HS6ST3: variants seen among roughly 807,000 people sequenced by gnomAD.
HS6ST3 encodes heparan sulfate 6-O-sulfotransferase 3, also known as heparan-sulfate 6-O-sulfotransferase 3.
In HS6ST3, 12 loss-of-function variants were observed where a neutral mutation model predicts 36.7. The ratio of observed to expected loss-of-function variants is 0.33; its 90% CI spans 0.21 to 0.53. The LOEUF is 0.53. Among genes scored for constraint, HS6ST3 ranks in the 20% least tolerant of loss-of-function variants. HS6ST3 has a pLI of 0.95. For missense variants in HS6ST3, 584 were observed against 640.9 expected, an observed-to-expected ratio of 0.91 and a Z score of 0.96; for synonymous variants, 240 against 257.5, an observed-to-expected ratio of 0.93 and a Z score of 0.65.
chr13:96,718,132 C>T (rs1028208039), intron 1 of HS6ST3, among the ~76,000 whole-genome samples: 1 of 152,130 alleles, frequency 6.6e-6, no homozygotes. Flanking sequence ...CAGCATCCCA[C>T]CTAACATTTG....
intron 1 of HS6ST3, among the ~76,000 whole-genome samples, chr13:96,337,764 C>G (rs1190586344): frequency 6.6e-6 from 1 of 151,840 alleles, no homozygotes; most frequent in African/African-American, 2.4e-5. Context: ...TCTATTTTCT[C>G]TGTTTTTTTC....
chr13:96,722,281 A>G (rs932527008), intron 1 of HS6ST3, among the ~76,000 whole-genome samples: 5 of 152,142 alleles, frequency 3.3e-5, no homozygotes, highest in Admixed American at 2.6e-4. Context: ...AAAGAAAGAA[A>G]GAAATACATG....
intron 1 of HS6ST3, among the ~76,000 whole-genome samples, chr13:96,346,868 T>C (rs2055158029): frequency 1.3e-5 from 2 of 152,066 alleles, no homozygotes; most frequent in South Asian, 4.1e-4. Flanking sequence ...CTTCCATGAT[T>C]AGGTTACAAG....
At chr13:96,679,392 C>T (rs2056710499) in intron 1 of HS6ST3, among the ~76,000 whole-genome samples, 2 of 151,986 alleles carry the variant, frequency 1.3e-5, no homozygotes, top group Admixed American at 6.6e-5. Flanking sequence ...CTGTTTGCCT[C>T]ACCCCAAGAG....
intron 1 of HS6ST3, among the ~76,000 whole-genome samples, chr13:96,697,472 G>A (rs554223151): frequency 1.3e-5 from 2 of 151,878 alleles, no homozygotes; most frequent in East Asian, 3.9e-4. Flanking sequence ...AACTGAAGAG[G>A]ACAAGATCTT....
intron 1 of HS6ST3, among the ~76,000 whole-genome samples, chr13:96,259,796 C>A (rs2054655240): frequency 6.6e-6 from 1 of 152,110 alleles, no homozygotes; most frequent in Non-Finnish European, 1.5e-5. Context: ...AACAAAATAA[C>A]TATTGATTAG....
intron 1 of HS6ST3, among the ~76,000 whole-genome samples, chr13:96,724,610 T>A (rs1749794292): frequency 6.6e-6 from 1 of 152,188 alleles, no homozygotes; most frequent in African/African-American, 2.4e-5. Context: ...GTTATAGAAA[T>A]GAAATTATAA....
intron 1 of HS6ST3, among the ~76,000 whole-genome samples, chr13:96,122,731 T>C (rs2053932168): frequency 6.6e-6 from 1 of 152,198 alleles, no homozygotes; most frequent in South Asian, 2.1e-4. Context: ...TCTGTCTCTT[T>C]GCTACATCAG....
chr13:96,653,049 G>A (rs1330171468), intron 1 of HS6ST3, among the ~76,000 whole-genome samples: 7 of 151,980 alleles, frequency 4.6e-5, no homozygotes. Flanking sequence ...TGTCACTGCT[G>A]TTTGGGGACT....
intron 1 of HS6ST3, among the ~76,000 whole-genome samples, chr13:96,742,758 A>G (rs983060277): frequency 6.6e-6 from 1 of 152,110 alleles, no homozygotes; most frequent in Non-Finnish European, 1.5e-5. Context: ...TAGGGATATT[A>G]ATTTCATTTT....
intron 1 of HS6ST3, among the ~76,000 whole-genome samples, chr13:96,686,268 A>G (rs1874775814): frequency 6.6e-6 from 1 of 152,066 alleles, no homozygotes; most frequent in Non-Finnish European, 1.5e-5. Context: ...CACAAGTGAA[A>G]AGATATTTTT....
intron 1 of HS6ST3, among the ~76,000 whole-genome samples, chr13:96,589,794 A>G (rs564785689): frequency 5.9e-5 from 9 of 152,052 alleles, no homozygotes; most frequent in African/African-American, 2.2e-4. Context: ...TTCTTTCTGT[A>G]TATTTTTTTA....
chr13:96,385,788 GT>G (rs1280260240), intron 1 of HS6ST3, among the ~76,000 whole-genome samples: 18 of 152,018 alleles, frequency 1.2e-4, no homozygotes, highest in African/African-American at 4.1e-4. Context: ...AGTATTTTAG[GT>G]ACTGTAATTT....
At chr13:96,165,509 G>A (rs2054156083) in intron 1 of HS6ST3, among the ~76,000 whole-genome samples, 1 of 152,192 alleles carries the variant, frequency 6.6e-6, no homozygotes, top group South Asian at 2.1e-4. Flanking sequence ...TGCTGGTTAT[G>A]TTGTGTTAAC....
Position 96,834,820 on chromosome 13 carries a change from T to G in HS6ST3, c.*1622T>G, listed in dbSNP as rs1463679532. On this transcript the variant is annotated 3_prime_UTR_variant, in exon 2 of 2. Coordinates refer to ENST00000376705, the MANE Select transcript of HS6ST3 (RefSeq NM_153456.4). ...AGTCAGCCCACAAGCATTCACAGAG[T>G]GCTTACCTGCCCCGAGGGAAGTCCA... is the stretch of plus-strand genomic sequence containing the variant. The G allele has an allele frequency of 2.0e-5, 3 of 152,540 alleles. No individual in the cohort carries two copies. Among genetic ancestry groups the G allele is most frequent in the Non-Finnish European group, 4.4e-5 (3 of 68,038 alleles). 9.4% of individuals were successfully genotyped at this position (152,540 alleles called of 1,614,324 possible).
At chr13:96,294,144 T>G (rs915698247) in intron 1 of HS6ST3, among the ~76,000 whole-genome samples, 1 of 152,114 alleles carries the variant, frequency 6.6e-6, no homozygotes, top group Non-Finnish European at 1.5e-5. Flanking sequence ...TAATTCTCTC[T>G]TATTACACAG....
chr13:96,120,925 G>A (rs186118820), intron 1 of HS6ST3, among the ~76,000 whole-genome samples: 1 of 152,306 alleles, frequency 6.6e-6, no homozygotes, highest in Non-Finnish European at 1.5e-5. Flanking sequence ...GTCTCATCTG[G>A]AGACTGGATA....
At chr13:96,181,401 T>C (rs2054239201) in intron 1 of HS6ST3, among the ~76,000 whole-genome samples, 4 of 152,252 alleles carry the variant, frequency 2.6e-5, no homozygotes, top group Admixed American at 2.6e-4. Context: ...GCTCTTAAAA[T>C]GTCAAATGCA....
chr13:96,414,171 T>G (rs977629531), intron 1 of HS6ST3, among the ~76,000 whole-genome samples: 33 of 152,302 alleles, frequency 2.2e-4, no homozygotes, highest in African/African-American at 7.7e-4. Context: ...ATTTTGATAG[T>G]GTGTATTAAG....
Sources: allele counts gnomAD v4.1 joint callset (sites outside exome capture counted in the v4.1 genomes callset), GRCh38; gene constraint gnomAD v4.1.1; transcripts MANE v1.5; gene names NCBI Gene and HGNC (gene_info 2026-07-23, HGNC 2026-07-21).